Variants in ETV6 observed in about 807,000 individuals in gnomAD.
ETV6 encodes the protein transcription factor ETV6.
Under a neutral mutation model 51.1 loss-of-function variants are expected in ETV6, and 16 were observed. That is an observed-to-expected ratio of 0.31 (90% CI 0.21 to 0.48). The LOEUF is 0.48. Among genes scored for constraint, ETV6 ranks in the 20% least tolerant of loss-of-function variants. The probability of loss-of-function intolerance (pLI) is 0.99; values close to 1 mark genes in which losing one functional copy is unlikely to be tolerated. For missense variants in ETV6, 458 were observed against 594.8 expected (o/e 0.77, Z 2.39); for synonymous variants, 240 against 224.1 (o/e 1.07, Z -0.64).
At chr12:11,781,382 A>G in intron 2 of ETV6, among the ~76,000 whole-genome samples, 1 of 151,592 alleles carries the variant, frequency 6.6e-6, no homozygotes, top group East Asian at 1.9e-4. Context: ...TAGAGTTGAA[A>G]CTCACCTCAC....
intron 2 of ETV6, among the ~76,000 whole-genome samples, chr12:11,782,521 C>T (rs1052882357): frequency 4.6e-5 from 7 of 151,896 alleles, no homozygotes; most frequent in East Asian, 3.9e-4. Context: ...GTGTTTTCTG[C>T]GACTGCACAT....
intron 3 of ETV6, among the ~76,000 whole-genome samples, chr12:11,842,673 A>C (rs977514355): frequency 6.6e-6 from 1 of 152,314 alleles, no homozygotes; most frequent in East Asian, 1.9e-4. Context: ...ACCACTGGAA[A>C]GTTTTGATCA....
At chr12:11,884,262 C>A (rs992225306) in intron 5 of ETV6, among the ~76,000 whole-genome samples, 183 bp from the exon 6 acceptor site, 3 of 152,196 alleles carry the variant, frequency 2.0e-5, no homozygotes, top group Admixed American at 1.3e-4. Flanking sequence ...AAAGGTCACA[C>A]AACAGGACCT....
intron 1 of ETV6, among the ~76,000 whole-genome samples, chr12:11,748,199 C>A (rs960281751): frequency 4.6e-5 from 7 of 152,200 alleles, no homozygotes; most frequent in Admixed American, 2.6e-4. Flanking sequence ...TTTACCCTAG[C>A]TGTGGGGAAA....
intron 4 of ETV6, among the ~76,000 whole-genome samples, chr12:11,865,534 CTT>C (rs1310972826): frequency 6.7e-6 from 1 of 149,926 alleles, no homozygotes; most frequent in Non-Finnish European, 1.5e-5. Context: ...CAGTCCCTCT[CTT>C]CAGGTTTTTT....
At chr12:11,723,984 T>G (rs1057417468) in intron 1 of ETV6, among the ~76,000 whole-genome samples, 1 of 151,816 alleles carries the variant, frequency 6.6e-6, no homozygotes, top group African/African-American at 2.4e-5. Flanking sequence ...GCCTTTAAAG[T>G]CACCCTATGT....
At chr12:11,747,243 T>C (rs533278763) in intron 1 of ETV6, among the ~76,000 whole-genome samples, 10 of 152,294 alleles carry the variant, frequency 6.6e-5, no homozygotes, top group Non-Finnish European at 1.5e-5. Context: ...TTCTGCAAGA[T>C]GAATGTTGAG....
intron 2 of ETV6, among the ~76,000 whole-genome samples, chr12:11,755,036 T>C (rs1429485853): frequency 6.6e-6 from 1 of 152,214 alleles, no homozygotes; most frequent in Non-Finnish European, 1.5e-5. Flanking sequence ...GAGCCTAGGA[T>C]CTTATATCCA....
chr12:11,784,777 C>T (rs1365285923), intron 2 of ETV6, among the ~76,000 whole-genome samples: 1 of 151,592 alleles, frequency 6.6e-6, no homozygotes, highest in Non-Finnish European at 1.5e-5. Context: ...TAGCTCACTG[C>T]AGCCGCAAAC....
At chr12:11,858,425 G>T (rs530319188) in intron 4 of ETV6, among the ~76,000 whole-genome samples, 44 of 150,312 alleles carry the variant, frequency 2.9e-4, no homozygotes, top group Non-Finnish European at 5.0e-4. Context: ...ATTGTCATTT[G>T]TCCTCTAGTG....
At chr12:11,831,295 G>A (rs867703009) in intron 2 of ETV6, among the ~76,000 whole-genome samples, 2 of 152,100 alleles carry the variant, frequency 1.3e-5, no homozygotes, top group Non-Finnish European at 2.9e-5. Context: ...GTGCAATCTC[G>A]GCTCACTGCA....
chr12:11,791,634 A>C (rs1050422616), intron 2 of ETV6, among the ~76,000 whole-genome samples: 16 of 152,248 alleles, frequency 1.1e-4, no homozygotes, highest in Non-Finnish European at 2.1e-4. Context: ...AATCTATGGA[A>C]GAATCTGGAT....
intron 1 of ETV6, among the ~76,000 whole-genome samples, chr12:11,674,655 G>C (rs1244294246): frequency 7.0e-6 from 1 of 142,470 alleles, no homozygotes; most frequent in East Asian, 2.2e-4. Flanking sequence ...GTGTGTGTGT[G>C]TGTGTGTTTG....
rs559589001 is a variant in ETV6 at position 11,657,197 on chromosome 12, G to C, written c.33+7037G>C. On this transcript the variant is annotated intron_variant, in intron 1 of 7. Transcript: ENST00000396373. ...GATTCAGAGAGCATTATCCAAATTTGTCATGAAGCAAATGAGGAAACTGAG... is the reference window on the plus strand; with the variant it reads ...GATTCAGAGAGCATTATCCAAATTTCTCATGAAGCAAATGAGGAAACTGAG... Among the ~76,000 whole-genome samples the C allele has an allele frequency of 3.3e-5, 5 of 152,246 alleles. No homozygotes were observed. The South Asian group carries it at 1.0e-3, about 32-fold the overall frequency.
intron 2 of ETV6, among the ~76,000 whole-genome samples, chr12:11,771,971 G>A (rs1416003598): frequency 6.6e-6 from 1 of 152,170 alleles, no homozygotes; most frequent in African/African-American, 2.4e-5. Flanking sequence ...ATTCCCACCA[G>A]TGCTGATGGT....
intron 2 of ETV6, among the ~76,000 whole-genome samples, chr12:11,815,349 G>T (rs1014023095): frequency 7.9e-5 from 12 of 152,190 alleles, no homozygotes; most frequent in Non-Finnish European, 1.8e-4. Flanking sequence ...ATTTCCTGAT[G>T]CCCATCATAC....
At chr12:11,801,571 A>G (rs1444812838) in intron 2 of ETV6, among the ~76,000 whole-genome samples, 1 of 152,244 alleles carries the variant, frequency 6.6e-6, no homozygotes, top group East Asian at 1.9e-4. Flanking sequence ...GGCATTTGCT[A>G]TAGTGAAAAT....
intron 5 of ETV6, among the ~76,000 whole-genome samples, chr12:11,872,016 C>A (rs1220782245): frequency 6.6e-6 from 1 of 152,160 alleles, no homozygotes; most frequent in Admixed American, 6.5e-5. Context: ...CAGGCAATAC[C>A]CTTCTTGTCT....
chr12:11,889,358 G>A (rs899982208), intron 7 of ETV6, among the ~76,000 whole-genome samples: 1 of 152,224 alleles, frequency 6.6e-6, no homozygotes, highest in Non-Finnish European at 1.5e-5. Context: ...TAGTGAGGGA[G>A]AGATTAGTCC....
Sources: allele counts gnomAD v4.1 joint callset (sites outside exome capture counted in the v4.1 genomes callset), GRCh38; gene constraint gnomAD v4.1.1; transcripts MANE v1.5; gene names NCBI Gene and HGNC (gene_info 2026-07-23, HGNC 2026-07-21).